TTLL5: variants seen among roughly 807,000 people sequenced by gnomAD.
The protein encoded by TTLL5 is tubulin polyglutamylase TTLL5.
Under a neutral mutation model 168.4 loss-of-function variants are expected in TTLL5, and 132 were observed. The ratio of observed to expected loss-of-function variants is 0.78; its 90% confidence interval spans 0.68 to 0.91. The LOEUF (loss-of-function observed/expected upper bound fraction) is 0.91. Among genes scored for constraint, TTLL5 ranks in the 40% least tolerant of loss-of-function variants. TTLL5 has a pLI of 0.00. For synonymous variants in TTLL5, 546 were observed against 558.6 expected (o/e 0.98, Z 0.32); for missense variants, 1,545 against 1,581.5 (o/e 0.98, Z 0.39).
intron 5 of TTLL5, among the ~76,000 whole-genome samples, chr14:75,686,050 TAAG>T (rs1167742444): frequency 6.6e-6 from 1 of 152,176 alleles, no homozygotes; most frequent in African/African-American, 2.4e-5. Flanking sequence ...GGGCCGTAGA[TAAG>T]AAAGAAATGT....
At chr14:75,881,070 C>T (rs1010062051) in intron 29 of TTLL5, among the ~76,000 whole-genome samples, 7 of 152,280 alleles carry the variant, frequency 4.6e-5, no homozygotes, top group Non-Finnish European at 8.8e-5. Flanking sequence ...GGCACCACCA[C>T]GTCTAGCTAA....
chr14:75,886,909 A>G, intron 30 of TTLL5: 1 of 1,444,236 alleles, frequency 6.9e-7, no homozygotes, highest in Non-Finnish European at 9.0e-7. Flanking sequence ...GGCAAAACTC[A>G]GACTGAATGA....
intron 28 of TTLL5, among the ~76,000 whole-genome samples, chr14:75,828,453 C>T (rs968059278): frequency 1.3e-5 from 2 of 152,138 alleles, no homozygotes; most frequent in South Asian, 2.1e-4. Context: ...TATTCTCTAG[C>T]TTACTTTTTA....
chr14:75,742,925 C>T (rs931187989), intron 15 of TTLL5, among the ~76,000 whole-genome samples: 1 of 152,074 alleles, frequency 6.6e-6, no homozygotes, highest in Non-Finnish European at 1.5e-5. Context: ...TCAACTTTCC[C>T]CTATAAACCC....
At chr14:75,871,122 G>A (rs79152725) in intron 29 of TTLL5, among the ~76,000 whole-genome samples, 1,976 of 152,220 alleles carry the variant, frequency 0.013, 28 homozygotes, top group Non-Finnish European at 0.022. Flanking sequence ...TATCATATAA[G>A]TCTGATCTTA....
At chr14:75,941,518 A>G (rs746055508) in intron 31 of TTLL5, 6 of 152,202 alleles carry the variant, frequency 3.9e-5, no homozygotes, top group Admixed American at 2.0e-4. Context: ...CATTTAGGTA[A>G]TATTTTAAAT....
chr14:75,723,174 T>C lies in TTLL5; in HGVS notation c.1042+2471T>C, dbSNP rs536256982. On this transcript the variant is annotated intron_variant, in intron 12 of 31. Transcript: ENST00000298832. ...CTCACTACGTTACCCAGTCTGGCCT[T>C]GAACTCCTGGGCCCAAAGGATCCAC... Among the ~76,000 whole-genome samples the C allele has an allele frequency of 2.0e-5, 3 of 152,206 alleles. No homozygotes were observed. In the East Asian group the frequency reaches 5.8e-4, roughly 29 times the overall value.
chr14:75,791,105 C>CA lies in TTLL5; in HGVS notation c.2987-1792dup, dbSNP rs372035829. On this transcript the variant is annotated intron_variant, in intron 26 of 31. Transcript: ENST00000298832. ...TGGGTGACAGAGCAAGACTCTGTCT[C>CA]AAAAAAAAAAAAAAAAAAATACCAC... 2.1e-3 allele frequency among the ~76,000 whole-genome samples: 159 copies of CA among 77,264 alleles called. 5 individuals are homozygous for CA. The highest frequency in any genetic ancestry group is 0.014 in the South Asian group (32 of 2,302). The allele number at this position is 77,264 out of a possible 152,430, so 50.7% of individuals were successfully genotyped here. A position where few individuals can be genotyped will look rare whatever the true frequency, so the allele number is the denominator to read the frequency against.
chr14:75,754,904 G>A (rs914419758), intron 18 of TTLL5, among the ~76,000 whole-genome samples: 19 of 152,058 alleles, frequency 1.2e-4, no homozygotes, highest in Middle Eastern at 3.2e-3. Context: ...TATATTGCCT[G>A]CATTCTTTCT....
intron 15 of TTLL5, chr14:75,737,470 T>A (rs1273013979): frequency 7.8e-7 from 1 of 1,289,312 alleles, no homozygotes; most frequent in Non-Finnish European, 1.1e-6. Context: ...GCTTGGAGAT[T>A]ATTTTTTCCT....
intron 28 of TTLL5, among the ~76,000 whole-genome samples, chr14:75,827,228 C>T (rs183574458): frequency 2.6e-5 from 4 of 152,200 alleles, no homozygotes; most frequent in Admixed American, 1.3e-4. Context: ...GTATTTGCTA[C>T]ACTGGGACAC....
At chr14:75,705,366 A>G (rs1304241905) in intron 7 of TTLL5, among the ~76,000 whole-genome samples, 1 of 152,224 alleles carries the variant, frequency 6.6e-6, no homozygotes, top group Non-Finnish European at 1.5e-5. Flanking sequence ...CATATGAAAA[A>G]CAGTAGTAGT....
At chr14:75,696,118 G>A (rs1025550966) in intron 6 of TTLL5, among the ~76,000 whole-genome samples, 1 of 151,894 alleles carries the variant, frequency 6.6e-6, no homozygotes, top group African/African-American at 2.4e-5. Context: ...TTGAACTCCT[G>A]GCCTCAAGGG....
chr14:75,785,726 A>C (rs949452892), intron 26 of TTLL5, among the ~76,000 whole-genome samples: 4 of 152,226 alleles, frequency 2.6e-5, no homozygotes, highest in Non-Finnish European at 4.4e-5. Context: ...CCATTGATCT[A>C]TATGTCTGAC....
chr14:75,931,017 A>C (rs2140168059), intron 31 of TTLL5, among the ~76,000 whole-genome samples: 1 of 152,196 alleles, frequency 6.6e-6, no homozygotes, highest in East Asian at 1.9e-4. Flanking sequence ...ATTCTCTAAG[A>C]TCCTGTCCTT....
chr14:75,873,250 A>G (rs1040435742), intron 29 of TTLL5, among the ~76,000 whole-genome samples: 1 of 151,624 alleles, frequency 6.6e-6, no homozygotes, highest in Non-Finnish European at 1.5e-5. Flanking sequence ...ATTTTTTTGT[A>G]TTTTTAATAG....
At chr14:75,743,983 T>C (rs1178516002) in intron 15 of TTLL5, among the ~76,000 whole-genome samples, 1 of 152,146 alleles carries the variant, frequency 6.6e-6, no homozygotes, top group Non-Finnish European at 1.5e-5. Context: ...CTCCAAATGC[T>C]GTCACATTGG....
intron 21 of TTLL5, among the ~76,000 whole-genome samples, 165 bp downstream of exon 21, chr14:75,772,019 A>T (rs1378977421): frequency 6.6e-6 from 1 of 151,326 alleles, no homozygotes; most frequent in Non-Finnish European, 1.5e-5. Flanking sequence ...TACAAGATTT[A>T]TATATACTTA....
intron 10 of TTLL5, among the ~76,000 whole-genome samples, chr14:75,719,246 C>T (rs1887683857): frequency 6.6e-6 from 1 of 152,254 alleles, no homozygotes; most frequent in South Asian, 2.1e-4. Flanking sequence ...GAACCTGCTT[C>T]AGATGCCAAA....
Sources: gnomAD v4.1 joint callset for allele counts (sites outside exome capture counted in the v4.1 genomes callset) on GRCh38, gnomAD v4.1.1 for gene constraint, MANE v1.5 for transcripts, NCBI Gene and HGNC (gene_info 2026-07-23, HGNC 2026-07-21) for gene names.